Variants in CATSPERB observed in about 807,000 individuals in gnomAD.
The protein encoded by CATSPERB is catsper channel auxiliary subunit beta.
In CATSPERB, 93 loss-of-function variants were observed where a neutral mutation model predicts 128.3. The ratio of observed to expected loss-of-function variants is 0.72; its 90% confidence interval spans 0.61 to 0.86. The LOEUF is 0.86. CATSPERB is among the 40% of genes least tolerant of loss of function. The probability of loss-of-function intolerance (pLI) is 0.00; values close to 1 mark genes in which losing one functional copy is unlikely to be tolerated. For synonymous variants in CATSPERB, 381 were observed against 448.8 expected (o/e 0.85, Z 1.91); for missense variants, 1,153 against 1,329.5 (o/e 0.87, Z 2.06).
chr14:91,589,502 A>G, intron 24 of CATSPERB, 32 bp downstream of exon 24: 1 of 1,591,700 alleles, frequency 6.3e-7, no homozygotes, highest in Non-Finnish European at 8.6e-7. Context: ...TACTTATCAG[A>G]TAAAATAATT....
chr14:91,652,752 G>A (rs542062229), intron 15 of CATSPERB, among the ~76,000 whole-genome samples: 3 of 148,228 alleles, frequency 2.0e-5, no homozygotes, highest in East Asian at 3.9e-4. Context: ...TACTGGAAAC[G>A]TTCAACATTG....
At chr14:91,683,055 C>T (rs1895310497) in intron 11 of CATSPERB, among the ~76,000 whole-genome samples, 1 of 152,116 alleles carries the variant, frequency 6.6e-6, no homozygotes, top group Non-Finnish European at 1.5e-5. Flanking sequence ...TTTAGTCAGC[C>T]CCTTAGTGCA....
intron 17 of CATSPERB, among the ~76,000 whole-genome samples, chr14:91,628,986 C>G (rs974388961): frequency 6.6e-6 from 1 of 152,194 alleles, no homozygotes; most frequent in African/African-American, 2.4e-5. Context: ...TAAACATACT[C>G]TTAGCATACA....
At chr14:91,727,253 C>A (rs1896132421) in intron 2 of CATSPERB, among the ~76,000 whole-genome samples, 1 of 152,100 alleles carries the variant, frequency 6.6e-6, no homozygotes, top group Non-Finnish European at 1.5e-5. Context: ...CTCCCTGATC[C>A]ATTTCTCCTG....
intron 20 of CATSPERB, among the ~76,000 whole-genome samples, chr14:91,614,793 C>G (rs914611132): frequency 3.3e-5 from 5 of 152,086 alleles, no homozygotes; most frequent in African/African-American, 1.2e-4. Flanking sequence ...GAGACCCTGT[C>G]TCAAAAATAA....
At chr14:91,589,808 C>T (rs1893366164) in intron 23 of CATSPERB, 139 bp from the exon 24 acceptor site, 1 of 722,652 alleles carries the variant, frequency 1.4e-6, no homozygotes, top group Non-Finnish European at 2.2e-6. Flanking sequence ...TCTGCCTTTT[C>T]AGTCATGAAA....
rs1231424486 is a variant in CATSPERB at position 91,610,500 on chromosome 14, T to C, written c.2578A>G (p.Asn860Asp). 4 of 1,613,692 alleles carry C rather than the reference T, an allele frequency of 2.5e-6. No homozygotes were observed. In the African/African-American group the frequency reaches 5.3e-5, roughly 22 times the overall value. ...SGVHKDSQGF[N>D]LIKTLPINYR... Reference sequence around the variant, plus strand: ...TTTACCGGCAAAGTTTTGATGAGGTTAAAACCCTGACTGTCTTTATGAACT... The same window carrying C: ...TTTACCGGCAAAGTTTTGATGAGGTCAAAACCCTGACTGTCTTTATGAACT... The change falls in exon 21 of 27, where the codon AAC becomes GAC. Residue 860 changes from asparagine (N) to aspartate (D), a missense_variant. Asn to Asp is a conservative substitution (Grantham distance 23). Coordinates refer to ENST00000256343, the MANE Select transcript of CATSPERB (RefSeq NM_024764.4).
intron 8 of CATSPERB, 43 bp from the exon 9 acceptor site, chr14:91,693,287 A>C: frequency 6.4e-7 from 1 of 1,556,628 alleles, no homozygotes; most frequent in South Asian, 1.1e-5. Context: ...GTAAGAAAAA[A>C]GTGAGTTCCT....
intron 7 of CATSPERB, among the ~76,000 whole-genome samples, chr14:91,696,808 G>A (rs1182414326): frequency 6.6e-6 from 1 of 152,194 alleles, no homozygotes; most frequent in Non-Finnish European, 1.5e-5. Flanking sequence ...CAGAACACAA[G>A]GGCTGAGGGG....
chr14:91,699,581 T>TC lies in CATSPERB; in HGVS notation c.616+4970_616+4971insG, dbSNP rs562086157. ...CTTGATCATGATGAATTAACTTTTT[T>TC]TTTTTTTTTTAGATGGAGTTTTGCT... On this transcript the variant is annotated intron_variant, in intron 7 of 26. Coordinates refer to ENST00000256343, the MANE Select transcript of CATSPERB (RefSeq NM_024764.4). 1.4e-4 allele frequency among the ~76,000 whole-genome samples: 21 copies of TC among 152,182 alleles called. No individual in the cohort carries two copies. The East Asian group carries it at 4.1e-3, about 29-fold the overall frequency.
intron 10 of CATSPERB, among the ~76,000 whole-genome samples, chr14:91,684,926 T>A (rs1895347782): frequency 6.6e-6 from 1 of 151,930 alleles, no homozygotes; most frequent in East Asian, 1.9e-4. Flanking sequence ...GAGGAGTCAC[T>A]TTATTTATTG....
At chr14:91,681,490 A>G (rs1341127078) in intron 11 of CATSPERB, among the ~76,000 whole-genome samples, 1 of 152,228 alleles carries the variant, frequency 6.6e-6, no homozygotes, top group Non-Finnish European at 1.5e-5. Context: ...CTCTGAGTCA[A>G]GGTAACATCC....
At chr14:91,642,745 C>T (rs1375874251) in intron 15 of CATSPERB, among the ~76,000 whole-genome samples, 2 of 138,260 alleles carry the variant, frequency 1.4e-5, no homozygotes, top group Admixed American at 1.5e-4. Flanking sequence ...GGGAGGATTC[C>T]CTCTTTTTCT....
intron 1 of CATSPERB, among the ~76,000 whole-genome samples, chr14:91,730,734 C>T (rs569315972): frequency 6.6e-6 from 1 of 152,300 alleles, no homozygotes; most frequent in African/African-American, 2.4e-5. Flanking sequence ...TTGTGCAGTT[C>T]CTGACAACTG....
intron 17 of CATSPERB, among the ~76,000 whole-genome samples, chr14:91,634,762 C>A (rs1894340986): frequency 6.7e-6 from 1 of 148,838 alleles, no homozygotes; most frequent in Non-Finnish European, 1.5e-5. Flanking sequence ...CCTCACGGTG[C>A]AAGGTATTGT....
intron 23 of CATSPERB, 93 bp from the exon 24 acceptor site, chr14:91,589,762 G>C: frequency 1.7e-6 from 2 of 1,211,402 alleles, no homozygotes; most frequent in Non-Finnish European, 2.3e-6. Context: ...ATTGCCAATA[G>C]TTTGGCTGTT....
intron 13 of CATSPERB, 66 bp from the exon 14 acceptor site, chr14:91,670,038 T>C (rs890735299): frequency 2.0e-5 from 27 of 1,384,466 alleles, no homozygotes; most frequent in Non-Finnish European, 2.3e-5. Context: ...AATTTCCTGT[T>C]ACTTGCATTT....
chr14:91,596,294 C>T (rs1334914264), intron 22 of CATSPERB, among the ~76,000 whole-genome samples: 1 of 152,102 alleles, frequency 6.6e-6, no homozygotes, highest in African/African-American at 2.4e-5. Flanking sequence ...AGCTCCGCCT[C>T]CCGGGTTCAC....
chr14:91,612,347 C>T (rs1376552673), intron 20 of CATSPERB, among the ~76,000 whole-genome samples: 4 of 152,046 alleles, frequency 2.6e-5, no homozygotes, highest in East Asian at 1.9e-4. Context: ...GACGGGGTCT[C>T]GCTGTGTTGC....
Sources: allele counts gnomAD v4.1 joint callset (sites outside exome capture counted in the v4.1 genomes callset), GRCh38; gene constraint gnomAD v4.1.1; transcripts MANE v1.5; gene names NCBI Gene and HGNC (gene_info 2026-07-23, HGNC 2026-07-21).